The following KDM1B variants were observed in gnomAD, a reference collection of about 807,000 sequenced individuals.
The protein encoded by KDM1B is lysine demethylase 1B, also known as lysine-specific histone demethylase 2.
In KDM1B, 63 loss-of-function variants were observed where a neutral mutation model predicts 107.4. That is an observed-to-expected ratio of 0.59 (90% CI 0.48 to 0.72). KDM1B has a LOEUF of 0.72. Ranked by LOEUF, KDM1B falls within the 30% of genes least tolerant of loss-of-function variation. The pLI is 0.00. For synonymous variants in KDM1B, 363 were observed against 363.9 expected, an observed-to-expected ratio of 1.00 and a Z score of 0.03; for missense variants, 749 against 1,020.8, an observed-to-expected ratio of 0.73 and a Z score of 3.63.
chr6:18,217,260 T>C (rs940407700), intron 20 of KDM1B, among the ~76,000 whole-genome samples: 1 of 152,074 alleles, frequency 6.6e-6, no homozygotes, highest in African/African-American at 2.4e-5. Context: ...TGGGTAGATT[T>C]AAAGGCAGCA....
intron 6 of KDM1B, among the ~76,000 whole-genome samples, chr6:18,167,476 G>A (rs1024625159): frequency 4.0e-5 from 6 of 151,640 alleles, no homozygotes; most frequent in African/African-American, 1.5e-4. Flanking sequence ...TAAATGATTT[G>A]CTATTTTTTT....
At chr6:18,176,714 A>G (rs944573740) in intron 7 of KDM1B, among the ~76,000 whole-genome samples, 1 of 152,134 alleles carries the variant, frequency 6.6e-6, no homozygotes, top group Non-Finnish European at 1.5e-5. Flanking sequence ...TGAGATGATC[A>G]TGTGATTTTT....
At position 18,159,969 on chromosome 6, in the gene KDM1B, G is replaced by A. The variant is rs759470454; in HGVS notation, c.74G>A (p.Ser25Asn). 11 of 1,602,450 alleles carry A rather than the reference G, an allele frequency of 6.9e-6. No homozygotes were observed. Among genetic ancestry groups the A allele is most frequent in the Non-Finnish European group, 6.8e-6 (8 of 1,175,120 alleles). The change falls in exon 3 of 22, where the codon AGC (serine) becomes AAC (asparagine). Residue 25 changes from serine (S) to asparagine (N), a missense_variant. By Grantham distance (46) the Ser-to-Asn change is conservative. Transcript: ENST00000650836. The surrounding 1 kb of genome is among the most constrained non-coding windows in gnomAD (Gnocchi z 4.5). ...TCTCCGGATAGCCTTCCTTTGAGGA[G>A]CTCCGGTAGGCAGGTAGTGTTCATT... ...DHSPDSLPLRSSGRQAKKKAT... is the reference protein window; with the variant it reads ...DHSPDSLPLRNSGRQAKKKAT...
intron 12 of KDM1B, among the ~76,000 whole-genome samples, chr6:18,198,401 G>A (rs755379339): frequency 6.7e-6 from 1 of 150,302 alleles, no homozygotes; most frequent in South Asian, 2.1e-4. Flanking sequence ...GCTAATTTTT[G>A]TATTTTTGGT....
chr6:18,212,324 T>G lies in KDM1B; in HGVS notation c.1867-164T>G, dbSNP rs1361730244. On this transcript the variant is annotated intron_variant, in intron 17 of 21. Transcript: ENST00000650836. The surrounding 1 kb of genome is among the most constrained non-coding windows in gnomAD (Gnocchi z 5.2). ...CACTCTTCCCTGTGGTTGCCACTTC[T>G]GCTTAGCCAGGCATTGGCACCCTTG... 1 of 664,210 alleles carries G rather than the reference T, an allele frequency of 1.5e-6. No individual in the cohort carries two copies. Among genetic ancestry groups the G allele is most frequent in the Non-Finnish European group, 2.7e-6 (1 of 368,332 alleles). The allele number at this position is 664,210 out of a possible 1,614,324, so 41.1% of individuals were successfully genotyped here.
chr6:18,184,734 T>C (rs1477348074), intron 7 of KDM1B, among the ~76,000 whole-genome samples: 2 of 129,132 alleles, frequency 1.5e-5, no homozygotes, highest in South Asian at 4.8e-4. Context: ...CTAGCTTTTT[T>C]CCTTTTTTTT....
rs1787271503 is a variant in KDM1B, at chr6:18,191,327, C to T, written c.915C>T (p.Thr305=). Residue 305 remains threonine (T), a synonymous_variant, in exon 10 of 22, where the codon ACC becomes ACT. Coordinates refer to ENST00000650836, the MANE Select transcript of KDM1B (RefSeq NM_001364614.2). The surrounding 1 kb of genome is among the most constrained non-coding windows in gnomAD (Gnocchi z 5.1). ...TTCCAGAGTATTCCCGAGACCCCAC[C>T]ATGTACCTGGCTTTGAGAAACCTCA... ...YEFPEYSRDP[T]MYLALRNLIL... 6.4e-7 allele frequency: 1 copy of T among 1,551,060 alleles called. No individual in the cohort carries two copies. Among genetic ancestry groups the T allele is most frequent in the African/African-American group, 1.4e-5 (1 of 73,164 alleles).
Position 18,214,337 on chromosome 6 carries a change from C to G in KDM1B, c.2109+556C>G, listed in dbSNP as rs1006645146. Among the ~76,000 whole-genome samples the G allele has an allele frequency of 1.3e-5, 2 of 152,146 alleles. No individual in the cohort carries two copies. The highest frequency in any genetic ancestry group is 6.5e-5 in the Admixed American group (1 of 15,282). On this transcript the variant is annotated intron_variant, in intron 19 of 21. Coordinates refer to ENST00000650836, the MANE Select transcript of KDM1B (RefSeq NM_001364614.2). The surrounding 1 kb of genome is among the most constrained non-coding windows in gnomAD (Gnocchi z 4.4). Reference sequence around the variant, plus strand: ...GTCTTAAAAGGTTTCACATAGGAGCCGAGGGCAGATTTTCTTTACCATTTG... The same window carrying G: ...GTCTTAAAAGGTTTCACATAGGAGCGGAGGGCAGATTTTCTTTACCATTTG...
In KDM1B at chr6:18,209,596, G is replaced by A. The variant is rs554638449; in HGVS notation, c.1866+1390G>A. On this transcript the variant is annotated intron_variant, in intron 17 of 21. Coordinates refer to ENST00000650836, the MANE Select transcript of KDM1B (RefSeq NM_001364614.2). The surrounding 1 kb of genome is among the most constrained non-coding windows in gnomAD (Gnocchi z 4.3). ...CACCCTGATGCGTTCTTGTTGAATT[G>A]GCCTCGCTTTTTTGTTTGTTTTTTT... Among the ~76,000 whole-genome samples, 84 of 152,258 alleles carry A rather than the reference G, an allele frequency of 5.5e-4. No homozygotes were observed. The highest frequency in any genetic ancestry group is 2.0e-3 in the African/African-American group (82 of 41,570).
chr6:18,169,695 T>C (rs1310535714), intron 6 of KDM1B, among the ~76,000 whole-genome samples: 1 of 152,194 alleles, frequency 6.6e-6, no homozygotes, highest in Non-Finnish European at 1.5e-5. Context: ...GTGTTACCGC[T>C]TATAATTCGT....
intron 5 of KDM1B, among the ~76,000 whole-genome samples, chr6:18,164,826 A>G (rs1785192039): frequency 1.3e-5 from 2 of 152,008 alleles, no homozygotes; most frequent in Admixed American, 1.3e-4. Flanking sequence ...TTGTATTTTT[A>G]GTAGAGGCTG....
At chr6:18,174,974 T>A (rs1292489344) in intron 7 of KDM1B, among the ~76,000 whole-genome samples, 1 of 152,220 alleles carries the variant, frequency 6.6e-6, no homozygotes, top group African/African-American at 2.4e-5. Flanking sequence ...ATGTTTTTTG[T>A]ATAATGACTT....
chr6:18,181,533 A>G (rs12207405), intron 7 of KDM1B, among the ~76,000 whole-genome samples: 25,999 of 152,084 alleles, frequency 0.17, 2,352 homozygotes, highest in African/African-American at 0.21. Context: ...GGGAGGCTGA[A>G]GCAGGAGTTT....
intron 2 of KDM1B, among the ~76,000 whole-genome samples, chr6:18,157,907 G>A (rs972861910): frequency 6.6e-6 from 1 of 150,792 alleles, no homozygotes. Flanking sequence ...CCGCCTGCGG[G>A]GTTCATGCCA....
intron 21 of KDM1B, 66 bp downstream of exon 21, chr6:18,217,951 T>C (rs1354463785): frequency 3.2e-6 from 5 of 1,540,714 alleles, no homozygotes; most frequent in East Asian, 2.3e-5. Flanking sequence ...TAAAATGATA[T>C]CTGCCCAGAG....
rs1787930596 is a variant in KDM1B at position 18,200,013 on chromosome 6, GGATTACA to G, written c.1222-424_1222-418del. On this transcript the variant is annotated intron_variant, in intron 12 of 21. Coordinates refer to ENST00000650836, the MANE Select transcript of KDM1B (RefSeq NM_001364614.2). The surrounding 1 kb of genome is among the most constrained non-coding windows in gnomAD (Gnocchi z 4.3). ...CGTGCCTCAGCCACCTGAATAGCTG[GGATTACA>G]GGTGCATGCCACCACACCCGACTAT... 2.0e-5 allele frequency among the ~76,000 whole-genome samples: 3 copies of G among 152,188 alleles called. No individual in the cohort carries two copies. The South Asian group carries it at 6.2e-4, about 32-fold the overall frequency.
chr6:18,158,588 A>G (rs1210505821), intron 2 of KDM1B, among the ~76,000 whole-genome samples: 1 of 152,192 alleles, frequency 6.6e-6, no homozygotes, highest in African/African-American at 2.4e-5. Flanking sequence ...TTCTTTATCC[A>G]TAGGTATGTC....
rs1400057192 is a variant in KDM1B, at chr6:18,205,706, G to A, written c.1659+42G>A. 5.5e-6 allele frequency: 8 copies of A among 1,454,232 alleles called. No homozygotes were observed. Among genetic ancestry groups the A allele is most frequent in the Non-Finnish European group, 5.4e-6 (6 of 1,103,806 alleles). 90.1% of individuals were successfully genotyped at this position (1,454,232 alleles called of 1,614,324 possible). A position where few individuals can be genotyped will look rare whatever the true frequency, so the allele number is the denominator to read the frequency against. ...TGAAAGGTGTGCTTTGAAAATACTT[G>A]GTTTAGGCCGGGCGCAGTGGCTCAC... On this transcript the variant is annotated intron_variant, in intron 15 of 21. Transcript: ENST00000650836. The surrounding 1 kb of genome is among the most constrained non-coding windows in gnomAD (Gnocchi z 5.7).
intron 7 of KDM1B, among the ~76,000 whole-genome samples, chr6:18,181,501 A>G (rs9465108): frequency 0.012 from 1,892 of 152,322 alleles, 35 homozygotes; most frequent in African/African-American, 0.043. Flanking sequence ...GCAGTGGCTC[A>G]TGCCTGTAAT....
Sources: gnomAD v4.1 joint callset for allele counts (sites outside exome capture counted in the v4.1 genomes callset) on GRCh38, gnomAD v4.1.1 for gene constraint, Gnocchi (gnomAD v3.1) non-coding constraint, MANE v1.5 for transcripts, NCBI Gene and HGNC (gene_info 2026-07-23, HGNC 2026-07-21) for gene names.